The following FOXRED2 variants were observed in gnomAD, a reference collection of about 807,000 sequenced individuals.
The protein encoded by FOXRED2 is FAD dependent oxidoreductase domain containing 2.
Under a neutral mutation model 52.5 loss-of-function variants are expected in FOXRED2, and 32 were observed. That is an observed-to-expected ratio of 0.61 (90% CI 0.46 to 0.82). The LOEUF (loss-of-function observed/expected upper bound fraction) is 0.82. Among genes scored for constraint, FOXRED2 ranks in the 40% least tolerant of loss-of-function variants. FOXRED2 has a pLI of 0.00. For missense variants in FOXRED2, 848 were observed against 937.5 expected (o/e 0.90, Z 1.25); for synonymous variants, 405 against 398.1 (o/e 1.02, Z -0.21).
At position 36,506,261 on chromosome 22, in the gene FOXRED2, G is replaced by A. The variant is rs780518948; in HGVS notation, c.162C>T (p.Arg54=). The change falls in exon 2 of 9, where the codon CGC becomes CGT. Residue 54 remains arginine, a synonymous_variant. Transcript: ENST00000397224. ...QMAYFLQRAG[R]DYAVFERAPR... Reference sequence around the variant, plus strand: ...GGGCCCGCTCGAACACTGCGTAGTCGCGTCCAGCGCGCTGCAGGAAGTAGG... The same window carrying A: ...GGGCCCGCTCGAACACTGCGTAGTCACGTCCAGCGCGCTGCAGGAAGTAGG... 6 of 1,608,698 alleles carry A rather than the reference G, an allele frequency of 3.7e-6. No homozygotes were observed. The African/African-American group carries it at 4.0e-5, about 11-fold the overall frequency.
chr22:36,501,096 T>C (rs558415714), intron 5 of FOXRED2, 145 bp downstream of exon 5: 2 of 865,020 alleles, frequency 2.3e-6, no homozygotes, highest in Non-Finnish European at 3.6e-6. Flanking sequence ...AAAAACCTGT[T>C]GTCACTTCCC....
chr22:36,505,825 G>C (rs1301520888), intron 2 of FOXRED2, 71 bp downstream of exon 2: 10 of 1,497,086 alleles, frequency 6.7e-6, no homozygotes, highest in Non-Finnish European at 7.4e-6. Context: ...ATACCTACTG[G>C]CCAATCAAGG....
chr22:36,494,231 C>G (rs536533494), intron 7 of FOXRED2, among the ~76,000 whole-genome samples: 1 of 152,200 alleles, frequency 6.6e-6, no homozygotes, highest in Non-Finnish European at 1.5e-5. Context: ...ATTCTTGTGC[C>G]TCTGCCTCCA....
chr22:36,502,152 G>C (rs938301382), intron 4 of FOXRED2, among the ~76,000 whole-genome samples: 1 of 151,470 alleles, frequency 6.6e-6, no homozygotes, highest in East Asian at 1.9e-4. Context: ...CTGGGCAACA[G>C]AGTAAGACTC....
intron 2 of FOXRED2, among the ~76,000 whole-genome samples, chr22:36,505,218 G>T (rs866040965): frequency 6.6e-6 from 1 of 152,178 alleles, no homozygotes; most frequent in Non-Finnish European, 1.5e-5. Flanking sequence ...AAGTGTATCT[G>T]TGCACCATCT....
rs1309339097 is a variant in FOXRED2 at position 36,488,101 on chromosome 22, A to AAAAAG, written c.*1906_*1907insCTTTT. Reference sequence around the variant, plus strand: ...GAGCGAAATCCATTGCAAAAAAAAAAAAAAAGAAAAAGAAAAAGTCTGGAC... The same window carrying AAAAAG: ...GAGCGAAATCCATTGCAAAAAAAAAAAAAAGAAAAAGAAAAAGAAAAAGTCTGGAC... On this transcript the variant is annotated 3_prime_UTR_variant, in exon 9 of 9. Coordinates refer to ENST00000397224, the MANE Select transcript of FOXRED2 (RefSeq NM_001102371.2). The AAAAAG allele has an allele frequency of 1.3e-5, 2 of 151,938 alleles. No individual in the cohort carries two copies. Among genetic ancestry groups the AAAAAG allele is most frequent in the Non-Finnish European group, 2.9e-5 (2 of 68,004 alleles). 9.4% of individuals were successfully genotyped at this position (151,938 alleles called of 1,614,324 possible). A position where few individuals can be genotyped will look rare whatever the true frequency, so the allele number is the denominator to read the frequency against.
At chr22:36,496,240 A>G (rs1933894294) in intron 6 of FOXRED2, 32 bp from the exon 7 acceptor site, 3 of 1,611,418 alleles carry the variant, frequency 1.9e-6, no homozygotes, top group East Asian at 2.2e-5. Context: ...GGAGGCCCTC[A>G]GTGCTGTGGC....
At chr22:36,506,765 C>T in intron 1 of FOXRED2, 1 of 240,768 alleles carries the variant, frequency 4.2e-6, no homozygotes, top group Non-Finnish European at 8.0e-6. Flanking sequence ...TTGAACCACC[C>T]TCCAGGTTGG....
At position 36,489,817 on chromosome 22, in the gene FOXRED2, G is replaced by T; in HGVS notation, c.*191C>A. On this transcript the variant is annotated 3_prime_UTR_variant, in exon 9 of 9. Coordinates refer to ENST00000397224, the MANE Select transcript of FOXRED2 (RefSeq NM_001102371.2). Reference sequence around the variant, plus strand: ...CCCTTCTGCCCCCTGACAGGAGGGAGGAGACCACCGCATCCCCGACTTTCA... The same window carrying T: ...CCCTTCTGCCCCCTGACAGGAGGGATGAGACCACCGCATCCCCGACTTTCA... The T allele has an allele frequency of 1.9e-6, 1 of 531,822 alleles. No homozygotes were observed. Among genetic ancestry groups the T allele is most frequent in the Admixed American group, 3.7e-5 (1 of 27,246 alleles). The allele number at this position is 531,822 out of a possible 1,614,324, so 32.9% of individuals were successfully genotyped here. A position where few individuals can be genotyped will look rare whatever the true frequency, so the allele number is the denominator to read the frequency against.
chr22:36,498,543 C>G lies in FOXRED2; in HGVS notation c.1217-387G>C, dbSNP rs533284939. 3 of 179,786 alleles carry G rather than the reference C, an allele frequency of 1.7e-5. No homozygotes were observed. The Admixed American group carries it at 1.7e-4, about 10-fold the overall frequency. The allele number at this position is 179,786 out of a possible 1,614,324, so 11.1% of individuals were successfully genotyped here. A position where few individuals can be genotyped will look rare whatever the true frequency, so the allele number is the denominator to read the frequency against. ...GGCCATCTGCACGTGGGAGTCCCACCGGCCCCACCTCACACAAGGAACGTC... is the reference window on the plus strand; with the variant it reads ...GGCCATCTGCACGTGGGAGTCCCACGGGCCCCACCTCACACAAGGAACGTC... On this transcript the variant is annotated intron_variant, in intron 5 of 8. Coordinates refer to ENST00000397224, the MANE Select transcript of FOXRED2 (RefSeq NM_001102371.2).
chr22:36,492,874 T>A (rs1933792513), intron 8 of FOXRED2, among the ~76,000 whole-genome samples: 1 of 152,222 alleles, frequency 6.6e-6, no homozygotes, highest in African/African-American at 2.4e-5. Flanking sequence ...TATAGCTCAA[T>A]GATCTCATGA....
Position 36,487,487 on chromosome 22 carries a change from G to A in FOXRED2, c.*2521C>T, listed in dbSNP as rs1568983643. The A allele has an allele frequency of 6.6e-6, 1 of 152,184 alleles. No homozygotes were observed. Among genetic ancestry groups the A allele is most frequent in the East Asian group, 1.9e-4 (1 of 5,200 alleles). 9.4% of individuals were successfully genotyped at this position (152,184 alleles called of 1,614,324 possible). A position where few individuals can be genotyped will look rare whatever the true frequency, so the allele number is the denominator to read the frequency against. On this transcript the variant is annotated 3_prime_UTR_variant, in exon 9 of 9. Coordinates refer to ENST00000397224, the MANE Select transcript of FOXRED2 (RefSeq NM_001102371.2). The stretch of plus-strand genomic sequence containing the variant: ...GACTCAGGTCAGAGCAGGTGACAGA[G>A]GCTAGGAGGGGATTGTTTACTGAAA...
chr22:36,490,068 A>C lies in FOXRED2; in HGVS notation c.1995T>G (p.Gly665=), dbSNP rs773873406. The C allele has an allele frequency of 5.2e-5, 84 of 1,612,930 alleles. No individual in the cohort carries two copies. Among genetic ancestry groups the C allele is most frequent in the Non-Finnish European group, 5.1e-5 (60 of 1,179,286 alleles). ...SQQLGDQEPL[G]SPLAPGPLAQ... is the part of the protein sequence containing the mutation. ...CCAGAGGCCCTGGAGCCAGGGGGGA[A>C]CCTAGTGGCTCTTGGTCGCCAAGCT... The change falls in exon 9 of 9, where the codon GGT becomes GGG. Residue 665 remains glycine (G), a synonymous_variant. Coordinates refer to ENST00000397224, the MANE Select transcript of FOXRED2 (RefSeq NM_001102371.2).
rs546728789 is a variant in FOXRED2 at position 36,489,255 on chromosome 22, A to G, written c.*753T>C. ...GCTGGAAGATGAGTCAGGGGGTGCA[A>G]CTGGGGAGAGCAGCTCTGAATCCTG... On this transcript the variant is annotated 3_prime_UTR_variant, in exon 9 of 9. Transcript: ENST00000397224. 6.6e-6 allele frequency: 1 copy of G among 152,510 alleles called. No individual in the cohort carries two copies. Among genetic ancestry groups the G allele is most frequent in the Admixed American group, 6.5e-5 (1 of 15,296 alleles). The allele number at this position is 152,510 out of a possible 1,614,324, so 9.4% of individuals were successfully genotyped here.
chr22:36,498,223 T>A lies in FOXRED2; in HGVS notation c.1217-67A>T. 3 of 1,540,502 alleles carry A rather than the reference T, an allele frequency of 1.9e-6. No homozygotes were observed. In the Admixed American group the frequency reaches 5.4e-5, roughly 28 times the overall value. ...TTTTATCTCTGGTCACTGGGAGGGATGCCCAGGCCTCATTGACCCCTGAGA... is the reference window on the plus strand; with the variant it reads ...TTTTATCTCTGGTCACTGGGAGGGAAGCCCAGGCCTCATTGACCCCTGAGA... On this transcript the variant is annotated intron_variant, in intron 5 of 8. Coordinates refer to ENST00000397224, the MANE Select transcript of FOXRED2 (RefSeq NM_001102371.2).
Position 36,493,702 on chromosome 22 carries a change from C to T in FOXRED2, c.1726G>A (p.Gly576Arg), listed in dbSNP as rs371503116. 8.1e-6 allele frequency: 13 copies of T among 1,614,176 alleles called. No individual in the cohort carries two copies. Among genetic ancestry groups the T allele is most frequent in the African/African-American group, 1.3e-5 (1 of 75,046 alleles). ...DFLTDWTAPI[G>R]HILPLRRFLE... ...AAGCGCCTCAGAGGTAGGATGTGCC[C>T]GATCGGGGCAGTCCAGTCTGTTAAG... The change falls in exon 8 of 9, where the codon GGG becomes AGG. Residue 576 changes from glycine (G) to arginine (R), a missense_variant. Coordinates refer to ENST00000397224, the MANE Select transcript of FOXRED2 (RefSeq NM_001102371.2).
intron 4 of FOXRED2, 115 bp from the exon 5 acceptor site, chr22:36,501,522 G>T (rs929002840): frequency 9.9e-7 from 1 of 1,005,946 alleles, no homozygotes; most frequent in Non-Finnish European, 1.5e-6. Flanking sequence ...GTACAATGGC[G>T]TGATCTCGGC....
rs79102216 is a variant in FOXRED2 at position 36,503,819 on chromosome 22, T to C, written c.1049+279A>G. 3.2e-3 allele frequency among the ~76,000 whole-genome samples: 493 copies of C among 152,344 alleles called. 3 individuals carry two copies. Among genetic ancestry groups the C allele is most frequent in the African/African-American group, 0.011 (473 of 41,588 alleles). On this transcript the variant is annotated intron_variant, in intron 4 of 8. Transcript: ENST00000397224. ...TTGCCTTCGAGCAAATTCCCCTCTG[T>C]ATTCTCTCTGAGCCGGCCTTTCCAA... is the stretch of plus-strand genomic sequence containing the variant.
chr22:36,493,180 C>T (rs1322260292), intron 8 of FOXRED2, among the ~76,000 whole-genome samples: 1 of 152,230 alleles, frequency 6.6e-6, no homozygotes, highest in Non-Finnish European at 1.5e-5. Context: ...CGGTGGCTCA[C>T]ACTTGTAATC....
Sources: gnomAD v4.1 joint callset for allele counts (sites outside exome capture counted in the v4.1 genomes callset) on GRCh38, gnomAD v4.1.1 for gene constraint, MANE v1.5 for transcripts, NCBI Gene and HGNC (gene_info 2026-07-23, HGNC 2026-07-21) for gene names.